UNC79: variants seen among roughly 807,000 people sequenced by gnomAD.
UNC79 encodes the protein unc-79 subunit of NALCN channel complex, also known as protein unc-79 homolog.
A neutral mutation model predicts 283.1 loss-of-function variants in UNC79; 37 were observed. That is an observed-to-expected ratio of 0.13 (90% CI 0.10 to 0.17). The LOEUF (loss-of-function observed/expected upper bound fraction) is 0.17, where lower values mean the gene tolerates loss of function less well. Ranked by LOEUF, UNC79 falls within the 10% of genes least tolerant of loss-of-function variation. UNC79 has a pLI of 1.00. For synonymous variants in UNC79, 1,107 were observed against 1,200.2 expected, an observed-to-expected ratio of 0.92 and a Z score of 1.61; for missense variants, 2,272 against 3,211.1, an observed-to-expected ratio of 0.71 and a Z score of 7.07.
chr14:93,382,308 T>G (rs1178635195), intron 1 of UNC79, among the ~76,000 whole-genome samples: 1 of 152,142 alleles, frequency 6.6e-6, no homozygotes, highest in Non-Finnish European at 1.5e-5. Context: ...AACACTATTT[T>G]CTTATTCTGA....
chr14:93,530,292 C>T (rs2060745595), intron 10 of UNC79, among the ~76,000 whole-genome samples: 1 of 152,160 alleles, frequency 6.6e-6, no homozygotes, highest in South Asian at 2.1e-4. Context: ...ATCTGTAGGT[C>T]AGGTGCAATG....
At chr14:93,653,672 C>G (rs1043481624) in intron 35 of UNC79, 70 bp from the exon 39 acceptor site, 1 of 1,404,306 alleles carries the variant, frequency 7.1e-7, no homozygotes, top group Admixed American at 1.8e-5. Flanking sequence ...TGTCTGAACT[C>G]TAAGTAAATA....
intron 40 of UNC79, among the ~76,000 whole-genome samples, chr14:93,668,978 T>TAAAAA (rs543609091): frequency 4.9e-4 from 39 of 79,836 alleles, no homozygotes; most frequent in East Asian, 1.2e-3. Context: ...GAACATTGTC[T>TAAAAA]AAAAAAAAAA....
intron 48 of UNC79, among the ~76,000 whole-genome samples, chr14:93,706,027 T>G (rs1351900412): frequency 6.6e-6 from 1 of 152,190 alleles, no homozygotes; most frequent in African/African-American, 2.4e-5. Context: ...AAAGAGAGTT[T>G]CTTGCACTCT....
intron 1 of UNC79, among the ~76,000 whole-genome samples, chr14:93,369,889 G>A (rs536151012): frequency 7.8e-4 from 119 of 152,312 alleles, no homozygotes; most frequent in African/African-American, 2.7e-3. Context: ...GAAGTAACCA[G>A]CTCCAGTTAG....
chr14:93,482,773 G>C (rs1038313726), intron 4 of UNC79, among the ~76,000 whole-genome samples: 5 of 152,118 alleles, frequency 3.3e-5, no homozygotes, highest in Non-Finnish European at 7.4e-5. Context: ...TGGTCTCCCT[G>C]CTTCCCTTTT....
At chr14:93,482,529 C>T (rs2058194088) in intron 4 of UNC79, among the ~76,000 whole-genome samples, 1 of 152,098 alleles carries the variant, frequency 6.6e-6, no homozygotes, top group Admixed American at 6.6e-5. Flanking sequence ...AGTAGGAGGC[C>T]CGCGTAGAGG....
chr14:93,456,545 A>G (rs1318447738), intron 1 of UNC79, among the ~76,000 whole-genome samples: 3 of 152,148 alleles, frequency 2.0e-5, no homozygotes, highest in Non-Finnish European at 2.9e-5. Flanking sequence ...TGAATAGAAT[A>G]GGGCCAATGT....
chr14:93,348,187 A>C, intron 1 of UNC79: 1 of 976,590 alleles, frequency 1.0e-6, no homozygotes, highest in Non-Finnish European at 1.7e-6. Context: ...GTTTTTGTTA[A>C]CGAGCAAAAT....
chr14:93,394,909 C>T (rs1447325011), intron 1 of UNC79, among the ~76,000 whole-genome samples: 2 of 152,062 alleles, frequency 1.3e-5, no homozygotes, highest in Non-Finnish European at 2.9e-5. Context: ...GATAAGGTCT[C>T]ACTGTTTTGC....
At chr14:93,340,811 A>G (rs542322969) in intron 1 of UNC79, among the ~76,000 whole-genome samples, 12 of 152,214 alleles carry the variant, frequency 7.9e-5, no homozygotes, top group South Asian at 2.1e-4. Context: ...GGCTCAAGCA[A>G]TCTGCCCATC....
chr14:93,629,249 G>C (rs80160318), intron 30 of UNC79, among the ~76,000 whole-genome samples: 1,740 of 152,182 alleles, frequency 0.011, 40 homozygotes, highest in African/African-American at 0.04. Flanking sequence ...ACTCTAAAAG[G>C]CTTAATAATC....
At chr14:93,696,899 A>T (rs1566940245) in intron 47 of UNC79, among the ~76,000 whole-genome samples, 2 of 151,892 alleles carry the variant, frequency 1.3e-5, no homozygotes, top group Admixed American at 6.6e-5. Flanking sequence ...CTATGTTTTC[A>T]CTTGGGTGTT....
chr14:93,682,684 C>T, exon 42 of UNC79: 1 of 1,613,990 alleles, frequency 6.2e-7, no homozygotes. Context: ...ATGATAGCCT[C>T]TGTACCTGGA....
chr14:93,538,675 A>C lies in UNC79; in HGVS notation c.1352+457A>C, dbSNP rs113456895. Among the ~76,000 whole-genome samples the C allele has an allele frequency of 9.7e-3, 1,480 of 152,156 alleles. 21 individuals are homozygous for C. The highest frequency in any genetic ancestry group is 0.034 in the African/African-American group (1,414 of 41,500). On this transcript the variant is annotated intron_variant, in intron 12 of 48. Coordinates refer to ENST00000555664, the Ensembl canonical transcript of UNC79. ...AAGGCAACAAGGGCGAATTACCTGC[A>C]TAGGAAACAGGTGCGGGACAACTCC...
At chr14:93,435,664 T>C (rs1468542544) in intron 1 of UNC79, among the ~76,000 whole-genome samples, 1 of 152,230 alleles carries the variant, frequency 6.6e-6, no homozygotes. Flanking sequence ...TTTTGGTAAA[T>C]GACACTTCCT....
intron 1 of UNC79, among the ~76,000 whole-genome samples, chr14:93,356,365 G>A (rs2054086583): frequency 6.6e-6 from 1 of 152,112 alleles, no homozygotes; most frequent in South Asian, 2.1e-4. Context: ...ACCCTTTGAG[G>A]TCTTAACCCA....
intron 1 of UNC79, among the ~76,000 whole-genome samples, chr14:93,378,801 A>G (rs1176629302): frequency 6.6e-6 from 1 of 152,224 alleles, no homozygotes; most frequent in Non-Finnish European, 1.5e-5. Flanking sequence ...GTAGTAGCAT[A>G]TGCTACTTAT....
In UNC79 at chr14:93,621,589, A is replaced by C; in HGVS notation, c.4388-32A>C. 6.7e-7 allele frequency: 1 copy of C among 1,502,552 alleles called. No individual in the cohort carries two copies. The highest frequency in any genetic ancestry group is 8.9e-7 in the Non-Finnish European group (1 of 1,128,218). The allele number at this position is 1,502,552 out of a possible 1,614,324, so 93.1% of individuals were successfully genotyped here. On this transcript the variant is annotated intron_variant, in intron 29 of 48. Transcript: ENST00000555664. This position sits in a 1 kb window ranked among gnomAD's most constrained non-coding sequence, Gnocchi z 4.8. ...GGAAAAAATGGTGAAATCTCCAAGT[A>C]AAATAGTACTAGCTTTTTCTGTTTT...
Sources: allele counts gnomAD v4.1 joint callset (sites outside exome capture counted in the v4.1 genomes callset), GRCh38; gene constraint gnomAD v4.1.1; non-coding constraint Gnocchi (gnomAD v3.1); transcripts MANE v1.5; gene names NCBI Gene and HGNC (gene_info 2026-07-23, HGNC 2026-07-21).